The following C12orf42 variants were observed in gnomAD, a reference collection of about 807,000 sequenced individuals.
C12orf42 encodes uncharacterized protein C12orf42.
In C12orf42, 25 loss-of-function variants were observed where a neutral mutation model predicts 21.6. That is an observed-to-expected ratio of 1.16 (90% CI 0.84 to 1.62). C12orf42 has a LOEUF of 1.62. Among genes scored for constraint, C12orf42 ranks in the 40% most tolerant of loss-of-function variants. The pLI is 0.00. For synonymous variants in C12orf42, 174 were observed against 175.0 expected (o/e 0.99, Z 0.05); for missense variants, 483 against 459.3 (o/e 1.05, Z -0.47).
chr12:103,307,796 G>A (rs2038525157), intron 4 of C12orf42, among the ~76,000 whole-genome samples: 1 of 152,106 alleles, frequency 6.6e-6, no homozygotes, highest in Non-Finnish European at 1.5e-5. Flanking sequence ...GTGTGTGCAT[G>A]CAAATGTAGG....
the C12orf42 span, among the ~76,000 whole-genome samples, chr12:103,175,629 T>C: frequency 1.3e-5 from 2 of 152,186 alleles, no homozygotes; most frequent in Non-Finnish European, 2.9e-5. Flanking sequence ...AATTTTCTAT[T>C]ACACTCCACT....
At chr12:103,219,843 G>C in the C12orf42 span, among the ~76,000 whole-genome samples, 1 of 152,160 alleles carries the variant, frequency 6.6e-6, no homozygotes, top group South Asian at 2.1e-4. Context: ...CATTATAGAA[G>C]ACAGTGTGGC....
chr12:103,449,804 T>G (rs1416299413), intron 2 of C12orf42, among the ~76,000 whole-genome samples: 1 of 149,600 alleles, frequency 6.7e-6, no homozygotes, highest in Non-Finnish European at 1.5e-5. Context: ...TAGTTCCATT[T>G]GAAAAAAAAA....
chr12:103,186,797 CATT>C, the C12orf42 span, among the ~76,000 whole-genome samples: 1 of 152,108 alleles, frequency 6.6e-6, no homozygotes, highest in Non-Finnish European at 1.5e-5. Context: ...GTCTACTCCT[CATT>C]ATTATTATAA....
At chr12:103,320,277 A>G (rs913560458) in intron 4 of C12orf42, among the ~76,000 whole-genome samples, 2 of 152,266 alleles carry the variant, frequency 1.3e-5, no homozygotes, top group Non-Finnish European at 2.9e-5. Flanking sequence ...AGGCAACCCA[A>G]TAGAAATATT....
At chr12:103,148,957 T>A in the C12orf42 span, among the ~76,000 whole-genome samples, 1 of 152,188 alleles carries the variant, frequency 6.6e-6, no homozygotes, top group Non-Finnish European at 1.5e-5. Flanking sequence ...TACAAATTTA[T>A]ATTAAGACTG....
chr12:103,063,148 TC>T, the C12orf42 span, among the ~76,000 whole-genome samples: 26 of 152,294 alleles, frequency 1.7e-4, no homozygotes, highest in Middle Eastern at 3.4e-3. Context: ...GTTTGGTTTC[TC>T]CTAAATTCAC....
At chr12:103,308,290 A>C (rs984713328) in intron 4 of C12orf42, among the ~76,000 whole-genome samples, 10 of 152,238 alleles carry the variant, frequency 6.6e-5, no homozygotes, top group Non-Finnish European at 1.3e-4. Context: ...AAAGTATATA[A>C]TTTTGATTTT....
At chr12:103,284,785 G>T (rs1027723126) in intron 4 of C12orf42, among the ~76,000 whole-genome samples, 1 of 152,138 alleles carries the variant, frequency 6.6e-6, no homozygotes, top group Non-Finnish European at 1.5e-5. Context: ...ATTGACTTTC[G>T]TGGGTCCTAA....
chr12:103,140,238 C>T, the C12orf42 span, among the ~76,000 whole-genome samples: 2 of 152,186 alleles, frequency 1.3e-5, no homozygotes, highest in Non-Finnish European at 2.9e-5. Context: ...TAAAAACACA[C>T]TGGCTTCTGT....
the C12orf42 span, among the ~76,000 whole-genome samples, chr12:103,140,532 G>A: frequency 6.6e-6 from 1 of 152,188 alleles, no homozygotes; most frequent in South Asian, 2.1e-4. Flanking sequence ...CCGCAAAAGA[G>A]TCGGAGGTCT....
chr12:103,318,860 C>T (rs1250688048), intron 4 of C12orf42, among the ~76,000 whole-genome samples: 1 of 152,160 alleles, frequency 6.6e-6, no homozygotes, highest in African/African-American at 2.4e-5. Flanking sequence ...TGCCCCAGTG[C>T]AATATTTCAC....
the C12orf42 span, among the ~76,000 whole-genome samples, chr12:103,524,645 A>T: frequency 6.6e-6 from 1 of 152,238 alleles, no homozygotes; most frequent in East Asian, 1.9e-4. Flanking sequence ...TAATCCATTA[A>T]GTAAACTGAT....
chr12:103,224,976 C>T, the C12orf42 span, among the ~76,000 whole-genome samples: 24 of 152,138 alleles, frequency 1.6e-4, no homozygotes, highest in African/African-American at 5.3e-4. Flanking sequence ...AGAATTATGC[C>T]GAGATAGGTA....
the C12orf42 span, among the ~76,000 whole-genome samples, chr12:103,099,695 T>C: frequency 6.6e-6 from 1 of 152,220 alleles, no homozygotes; most frequent in African/African-American, 2.4e-5. Context: ...TTTAAAATAG[T>C]ATACTTGGGA....
rs149652304 is a variant in C12orf42 at position 103,328,640 on chromosome 12, T to C, written c.260-22295A>G. Among the ~76,000 whole-genome samples, 353 of 152,320 alleles carry C rather than the reference T, an allele frequency of 2.3e-3. 1 individual carries two copies. The highest frequency in any genetic ancestry group is 8.0e-3 in the African/African-American group (334 of 41,568). Reference sequence around the variant, plus strand: ...CAGTTCCATTGAGTGAAAGCATTTATTGAACAGAAAACATTTTTATTCTCT... The same window carrying C: ...CAGTTCCATTGAGTGAAAGCATTTACTGAACAGAAAACATTTTTATTCTCT... On this transcript the variant is annotated intron_variant, in intron 4 of 5. Transcript: ENST00000548883.
intron 4 of C12orf42, among the ~76,000 whole-genome samples, chr12:103,283,823 T>G (rs2136322641): frequency 6.6e-6 from 1 of 152,326 alleles, no homozygotes; most frequent in Admixed American, 6.5e-5. Context: ...CAATAAATGT[T>G]TTGTAAATGA....
At chr12:103,062,700 T>C in the C12orf42 span, among the ~76,000 whole-genome samples, 1 of 152,206 alleles carries the variant, frequency 6.6e-6, no homozygotes, top group African/African-American at 2.4e-5. Flanking sequence ...GCAATTGTAG[T>C]GTTTTGAGGC....
the C12orf42 span, among the ~76,000 whole-genome samples, chr12:103,527,523 T>C: frequency 6.6e-6 from 1 of 152,222 alleles, no homozygotes; most frequent in Admixed American, 6.5e-5. Context: ...GACATATTGT[T>C]GATGAGCTAA....
Sources: gnomAD v4.1 joint callset for allele counts (sites outside exome capture counted in the v4.1 genomes callset) on GRCh38, gnomAD v4.1.1 for gene constraint, MANE v1.5 for transcripts, NCBI Gene and HGNC (gene_info 2026-07-23, HGNC 2026-07-21) for gene names.